CPED1: variants seen among roughly 807,000 people sequenced by gnomAD.
The protein encoded by CPED1 is cadherin like and PC-esterase domain containing 1.
A neutral mutation model predicts 128.2 loss-of-function variants in CPED1; 114 were observed. The observed-to-expected ratio is 0.89, with a 90% confidence interval of 0.76 to 1.04. The LOEUF (loss-of-function observed/expected upper bound fraction) is 1.04. Among genes scored for constraint, CPED1 ranks in the 50% least tolerant of loss-of-function variants. The pLI is 0.00. For synonymous variants in CPED1, 462 were observed against 426.7 expected (o/e 1.08, Z -1.02); for missense variants, 1,211 against 1,207.1 (o/e 1.00, Z -0.05).
intron 7 of CPED1, among the ~76,000 whole-genome samples, chr7:121,102,664 A>C (rs531903054): frequency 1.5e-4 from 23 of 152,258 alleles, no homozygotes; most frequent in African/African-American, 5.5e-4. Flanking sequence ...TAGCAATCTG[A>C]ATCCTGGGCC....
At chr7:121,021,465 T>C (rs1306218517) in intron 3 of CPED1, among the ~76,000 whole-genome samples, 1 of 152,014 alleles carries the variant, frequency 6.6e-6, no homozygotes, top group East Asian at 1.9e-4. Flanking sequence ...CAGATCAATC[T>C]TAACCTTTGT....
At chr7:121,021,562 A>C (rs1792443410) in intron 3 of CPED1, among the ~76,000 whole-genome samples, 1 of 151,992 alleles carries the variant, frequency 6.6e-6, no homozygotes, top group African/African-American at 2.4e-5. Context: ...CCCATAAGTA[A>C]GACGAGCTTA....
chr7:121,123,343 C>T (rs898914309), intron 7 of CPED1, among the ~76,000 whole-genome samples: 4 of 152,076 alleles, frequency 2.6e-5, no homozygotes, highest in African/African-American at 7.2e-5. Flanking sequence ...AATATTTGTC[C>T]TTCTTTATCA....
intron 22 of CPED1, among the ~76,000 whole-genome samples, chr7:121,274,468 C>A (rs1009232658): frequency 1.3e-5 from 2 of 152,108 alleles, no homozygotes; most frequent in African/African-American, 4.8e-5. Context: ...TGATAGCAAG[C>A]CATGTAGGTC....
intron 22 of CPED1, among the ~76,000 whole-genome samples, chr7:121,292,254 T>A (rs939754409): frequency 6.1e-4 from 93 of 151,968 alleles, no homozygotes; most frequent in Non-Finnish European, 4.7e-4. Flanking sequence ...CATGCTTTAT[T>A]TCATTAAGTT....
chr7:121,236,853 A>C, intron 17 of CPED1, 22 bp downstream of exon 17: 1 of 1,274,670 alleles, frequency 7.8e-7, no homozygotes, highest in South Asian at 1.3e-5. Flanking sequence ...ATTGGATATC[A>C]CTTCTCTAAA....
chr7:121,249,350 G>A (rs1475245313), intron 18 of CPED1, among the ~76,000 whole-genome samples: 1 of 151,980 alleles, frequency 6.6e-6, no homozygotes, highest in Non-Finnish European at 1.5e-5. Flanking sequence ...TATATGAAAT[G>A]ACCATCCCCA....
chr7:121,096,146 G>T (rs1233647056), intron 5 of CPED1, among the ~76,000 whole-genome samples: 1 of 151,938 alleles, frequency 6.6e-6, no homozygotes, highest in East Asian at 1.9e-4. Context: ...CAAAACCAAA[G>T]CCATTTGAAT....
At chr7:121,254,470 A>G (rs1288978672) in intron 18 of CPED1, among the ~76,000 whole-genome samples, 1 of 152,086 alleles carries the variant, frequency 6.6e-6, no homozygotes, top group Non-Finnish European at 1.5e-5. Context: ...GAGGTCTCAA[A>G]TCAACAATAT....
intron 16 of CPED1, among the ~76,000 whole-genome samples, chr7:121,182,847 T>C (rs974932366): frequency 3.5e-4 from 54 of 152,126 alleles, no homozygotes; most frequent in African/African-American, 1.3e-3. Context: ...CAAGCTTCTA[T>C]GTAGCTTGAG....
At chr7:121,246,165 C>T (rs1380159614) in intron 18 of CPED1, among the ~76,000 whole-genome samples, 1 of 152,202 alleles carries the variant, frequency 6.6e-6, no homozygotes, top group Non-Finnish European at 1.5e-5. Context: ...GAAACTGTCA[C>T]AGTCTATTAA....
intron 16 of CPED1, among the ~76,000 whole-genome samples, chr7:121,186,488 G>T (rs1172964477): frequency 1.3e-5 from 2 of 151,884 alleles, no homozygotes; most frequent in African/African-American, 2.4e-5. Flanking sequence ...TTAATTTCCT[G>T]GTGCCTAGAA....
intron 16 of CPED1, among the ~76,000 whole-genome samples, chr7:121,154,557 A>AT (rs1796239019): frequency 6.6e-6 from 1 of 150,410 alleles, no homozygotes; most frequent in South Asian, 2.1e-4. Context: ...TATTTTATTT[A>AT]TTTTTTTGAG....
Position 121,064,385 on chromosome 7 carries a change from A to C in CPED1, c.616+72A>C, listed in dbSNP as rs577943662. ...GGCTCCCTTAGCAGAAGCAGCTAAC[A>C]TGGTCTCAGGTCAGCATCTGTTGCT... On this transcript the variant is annotated intron_variant, in intron 5 of 22. Transcript: ENST00000310396. 7 of 1,036,964 alleles carry C rather than the reference A, an allele frequency of 6.8e-6. No individual in the cohort carries two copies. The East Asian group carries it at 1.7e-4, about 25-fold the overall frequency. The allele number at this position is 1,036,964 out of a possible 1,614,324, so 64.2% of individuals were successfully genotyped here. A position where few individuals can be genotyped will look rare whatever the true frequency, so the allele number is the denominator to read the frequency against.
chr7:121,007,751 C>T (rs1204852451), intron 2 of CPED1, among the ~76,000 whole-genome samples: 1 of 151,826 alleles, frequency 6.6e-6, no homozygotes, highest in Non-Finnish European at 1.5e-5. Context: ...TGTACCTTAG[C>T]TCTCTCTTTC....
chr7:121,081,575 G>C (rs1794296300), intron 5 of CPED1, among the ~76,000 whole-genome samples: 2 of 152,040 alleles, frequency 1.3e-5, no homozygotes, highest in Non-Finnish European at 2.9e-5. Context: ...AACATCATAG[G>C]GTTAGAGCAG....
intron 16 of CPED1, among the ~76,000 whole-genome samples, chr7:121,190,071 A>G (rs1293636913): frequency 6.6e-6 from 1 of 151,898 alleles, no homozygotes; most frequent in Admixed American, 6.6e-5. Context: ...AATATATAAT[A>G]GGCCACATAA....
intron 3 of CPED1, among the ~76,000 whole-genome samples, chr7:121,017,830 C>T (rs1040403082): frequency 9.2e-5 from 14 of 152,148 alleles, no homozygotes; most frequent in African/African-American, 3.4e-4. Flanking sequence ...AGCCTGAAGG[C>T]AATAGAATAT....
rs745881587 is a variant in CPED1 at position 121,266,294 on chromosome 7, C to T, written c.2378C>T (p.Thr793Met). ...TATCTTATTGAAAGGCTGAATGAAA[C>T]GTTGCAGGAATGGCAGAAAGTACAT... The part of the protein sequence containing the change: ...MYYLIERLNE[T>M]LQEWQKVHGT... Residue 793 changes from threonine to methionine, a missense_variant, in exon 19 of 23, where the codon ACG becomes ATG. Physicochemically the swap from Thr to Met is moderately conservative, Grantham distance 81 (BLOSUM62 -1). Coordinates refer to ENST00000310396, the MANE Select transcript of CPED1 (RefSeq NM_024913.5). The T allele has an allele frequency of 9.3e-6, 15 of 1,613,110 alleles. No homozygotes were observed. The highest frequency in any genetic ancestry group is 4.5e-5 in the East Asian group (2 of 44,828).
Sources: allele counts gnomAD v4.1 joint callset (sites outside exome capture counted in the v4.1 genomes callset), GRCh38; gene constraint gnomAD v4.1.1; transcripts MANE v1.5; gene names NCBI Gene and HGNC (gene_info 2026-07-23, HGNC 2026-07-21).